The following TBX5 variants were observed in gnomAD, a reference collection of about 807,000 sequenced individuals.
TBX5 encodes T-box transcription factor TBX5.
In TBX5, 8 loss-of-function variants were observed where a neutral mutation model predicts 51.1. The ratio of observed to expected loss-of-function variants is 0.16; its 90% CI spans 0.09 to 0.28. The LOEUF (loss-of-function observed/expected upper bound fraction) is 0.28. Among genes scored for constraint, TBX5 ranks in the 10% least tolerant of loss-of-function variants. The pLI is 1.00. For synonymous variants in TBX5, 302 were observed against 266.4 expected, an observed-to-expected ratio of 1.13 and a Z score of -1.30; for missense variants, 589 against 671.7, an observed-to-expected ratio of 0.88 and a Z score of 1.36.
chr12:114,370,361 A>G (rs1189588264), intron 7 of TBX5, among the ~76,000 whole-genome samples: 6 of 152,194 alleles, frequency 3.9e-5, no homozygotes, highest in Admixed American at 3.9e-4. Flanking sequence ...AAAGAAAAGA[A>G]AAGGCAGGTA....
chr12:114,375,802 G>A (rs1438922156), intron 7 of TBX5, among the ~76,000 whole-genome samples: 1 of 152,128 alleles, frequency 6.6e-6, no homozygotes, highest in African/African-American at 2.4e-5. Flanking sequence ...CCAGCACTTT[G>A]GGAGGCCAAG....
intron 8 of TBX5, among the ~76,000 whole-genome samples, chr12:114,356,991 G>A (rs1396854005): frequency 1.7e-4 from 1 of 6,026 alleles, no homozygotes; most frequent in East Asian, 1.1e-3. Context: ...ATATTTGTAC[G>A]ATGGATGGAT....
rs1187567034 is a variant in TBX5 at position 114,389,072 on chromosome 12, G to A, written c.664-3505C>T. 4.6e-5 allele frequency among the ~76,000 whole-genome samples: 7 copies of A among 151,896 alleles called. No homozygotes were observed. In the East Asian group the frequency reaches 9.7e-4, roughly 21 times the overall value. On this transcript the variant is annotated intron_variant, in intron 6 of 8. Coordinates refer to ENST00000405440, the MANE Select transcript of TBX5 (RefSeq NM_181486.4). ...GCCTCCCGAGTAGCTGAGATGACAG[G>A]TGCCCACCAACACACCTGGCTAATT...
At chr12:114,389,368 C>T (rs781268188) in intron 6 of TBX5, among the ~76,000 whole-genome samples, 34 of 152,172 alleles carry the variant, frequency 2.2e-4, no homozygotes, top group Admixed American at 3.9e-4. Flanking sequence ...TTTTCTTTCT[C>T]ACTCAGCTTT....
chr12:114,405,909 C>T lies in TBX5; in HGVS notation c.-320G>A. 2.0e-6 allele frequency: 2 copies of T among 985,574 alleles called. No homozygotes were observed. Among genetic ancestry groups the T allele is most frequent in the Non-Finnish European group, 2.4e-6 (2 of 830,058 alleles). The allele number at this position is 985,574 out of a possible 1,614,324, so 61.1% of individuals were successfully genotyped here. A position where few individuals can be genotyped will look rare whatever the true frequency, so the allele number is the denominator to read the frequency against. On this transcript the variant is annotated 5_prime_UTR_variant, in exon 1 of 9. Coordinates refer to ENST00000405440, the MANE Select transcript of TBX5 (RefSeq NM_181486.4). ...AACACAAAATAGCCTCCAAGAGCACCGGCAACCATATAATCTCAGTGCCCC... is the reference window on the plus strand; with the variant it reads ...AACACAAAATAGCCTCCAAGAGCACTGGCAACCATATAATCTCAGTGCCCC...
chr12:114,401,693 CCTTTCTCTT>C (rs1312557464), intron 3 of TBX5, 124 bp downstream of exon 3: 1 of 811,972 alleles, frequency 1.2e-6, no homozygotes, highest in African/African-American at 1.7e-5. Flanking sequence ...CCTCTCCTCT[CCTTTCTCTT>C]CTTTCTCTAT....
chr12:114,400,293 G>GGCCA (rs1871726618), intron 3 of TBX5, among the ~76,000 whole-genome samples: 1 of 152,218 alleles, frequency 6.6e-6, no homozygotes, highest in African/African-American at 2.4e-5. Context: ...CTTCCTCGGA[G>GGCCA]AGTCGAAATT....
At chr12:114,399,807 G>C (rs1487407960) in intron 3 of TBX5, among the ~76,000 whole-genome samples, 175 bp from the exon 4 acceptor site, 1 of 152,124 alleles carries the variant, frequency 6.6e-6, no homozygotes, top group East Asian at 1.9e-4. Context: ...TTATAGGGAG[G>C]AGAAAGGCGA....
intron 6 of TBX5, among the ~76,000 whole-genome samples, chr12:114,385,776 A>G (rs542700012): frequency 6.6e-6 from 1 of 152,174 alleles, no homozygotes; most frequent in African/African-American, 2.4e-5. Context: ...TTAAAAGGGG[A>G]AAAACACCTG....
chr12:114,355,443 T>C lies in TBX5; in HGVS notation c.*89A>G, dbSNP rs1191790837. ...AAATGAAAAATCTTGTCCGTGGGGT[T>C]CTCTTGGCTACTGTCTCTCTCCTTC... On this transcript the variant is annotated 3_prime_UTR_variant, in exon 9 of 9. Transcript: ENST00000405440. 3 of 1,507,428 alleles carry C rather than the reference T, an allele frequency of 2.0e-6. No homozygotes were observed. Among genetic ancestry groups the C allele is most frequent in the Non-Finnish European group, 2.7e-6 (3 of 1,101,876 alleles). 93.4% of individuals were successfully genotyped at this position (1,507,428 alleles called of 1,614,324 possible).
intron 4 of TBX5, 124 bp from the exon 5 acceptor site, chr12:114,398,844 A>T (rs187690637): frequency 8.2e-7 from 1 of 1,226,120 alleles, no homozygotes; most frequent in Non-Finnish European, 1.2e-6. Flanking sequence ...AATAATCTGG[A>T]GGCTCTCCCG....
At chr12:114,372,924 C>G (rs570181658) in intron 7 of TBX5, among the ~76,000 whole-genome samples, 2 of 151,160 alleles carry the variant, frequency 1.3e-5, no homozygotes, top group Non-Finnish European at 2.9e-5. Flanking sequence ...AAATAGCCAC[C>G]TCTTTGGGGT....
intron 7 of TBX5, among the ~76,000 whole-genome samples, chr12:114,370,312 G>GAAAGA (rs146327101): frequency 0.014 from 1,708 of 117,816 alleles, 44 homozygotes; most frequent in Non-Finnish European, 0.022. Flanking sequence ...GAAAAGAAAA[G>GAAAGA]AAAGAAAAGA....
At chr12:114,384,714 A>AACACACACAC (rs1555225276) in intron 7 of TBX5, among the ~76,000 whole-genome samples, 16,880 of 143,720 alleles carry the variant, frequency 0.12, 1,174 homozygotes, top group South Asian at 0.18. Context: ...AAAAAAAGAA[A>AACACACACAC]ACACACACAC....
At chr12:114,388,731 C>T (rs1870972695) in intron 6 of TBX5, among the ~76,000 whole-genome samples, 1 of 144,064 alleles carries the variant, frequency 6.9e-6, no homozygotes, top group African/African-American at 2.5e-5. Context: ...CATTCTCCCT[C>T]CCTCAACCTT....
intron 7 of TBX5, among the ~76,000 whole-genome samples, chr12:114,378,163 A>C (rs1870299866): frequency 1.3e-5 from 2 of 152,176 alleles, no homozygotes; most frequent in Admixed American, 1.3e-4. Flanking sequence ...CCAATCCATC[A>C]TCTACTTAGC....
At position 114,403,904 on chromosome 12, in the gene TBX5, GC is replaced by G; in HGVS notation, c.-7del. ...CCCTCGTCTGCGTCGGCCATGGTGC[GC>G]CCAGGGCCCTGTGCCCGCGCAAGGT... On this transcript the variant is annotated 5_prime_UTR_variant, in exon 2 of 9. Coordinates refer to ENST00000405440, the MANE Select transcript of TBX5 (RefSeq NM_181486.4). 1 of 1,610,942 alleles carries G rather than the reference GC, an allele frequency of 6.2e-7. No individual in the cohort carries two copies. Among genetic ancestry groups the G allele is most frequent in the Non-Finnish European group, 8.5e-7 (1 of 1,179,762 alleles).
chr12:114,395,490 G>T (rs1001882687), intron 5 of TBX5, among the ~76,000 whole-genome samples: 3 of 152,144 alleles, frequency 2.0e-5, no homozygotes, highest in African/African-American at 7.2e-5. Context: ...AACAAGCAAA[G>T]CAGAGTTCGT....
At chr12:114,357,979 C>T (rs2136362725) in intron 8 of TBX5, among the ~76,000 whole-genome samples, 1 of 152,308 alleles carries the variant, frequency 6.6e-6, no homozygotes, top group South Asian at 2.1e-4. Flanking sequence ...TACTACATGA[C>T]CTTACTCTTC....
Sources: allele counts gnomAD v4.1 joint callset (sites outside exome capture counted in the v4.1 genomes callset), GRCh38; gene constraint gnomAD v4.1.1; transcripts MANE v1.5; gene names NCBI Gene and HGNC (gene_info 2026-07-23, HGNC 2026-07-21).